CDH23: variants seen among roughly 807,000 people sequenced by gnomAD.
CDH23 encodes cadherin related 23, also known as cadherin-23.
Under a neutral mutation model 317.1 loss-of-function variants are expected in CDH23, and 189 were observed. That is an observed-to-expected ratio of 0.60 (90% CI 0.53 to 0.67). CDH23 has a LOEUF of 0.67. Among genes scored for constraint, CDH23 ranks in the 30% least tolerant of loss-of-function variants. CDH23 has a pLI of 0.00. For missense variants in CDH23, 4,401 were observed against 4,592.4 expected (o/e 0.96, Z 1.20); for synonymous variants, 1,839 against 1,876.8 (o/e 0.98, Z 0.52).
chr10:71,546,471 A>AATG (rs1246381114), intron 6 of CDH23, among the ~76,000 whole-genome samples: 12 of 152,172 alleles, frequency 7.9e-5, no homozygotes, highest in Admixed American at 7.2e-4. Context: ...GGCAGTGCAG[A>AATG]ATGTGGGCTC....
At chr10:71,737,062 G>A (rs1310069916) in intron 34 of CDH23, among the ~76,000 whole-genome samples, 2 of 152,152 alleles carry the variant, frequency 1.3e-5, no homozygotes, top group Admixed American at 6.5e-5. Flanking sequence ...GAGGGGGTTT[G>A]GGAGGGATCC....
At chr10:71,730,127 G>A (rs547814738) in intron 30 of CDH23, among the ~76,000 whole-genome samples, 24 of 152,192 alleles carry the variant, frequency 1.6e-4, no homozygotes, top group African/African-American at 2.2e-4. Context: ...GTGAGCCACC[G>A]CGCCCGGCCG....
At chr10:71,612,639 T>TG (rs758097284) in intron 9 of CDH23, among the ~76,000 whole-genome samples, 5 of 146,904 alleles carry the variant, frequency 3.4e-5, no homozygotes, top group South Asian at 2.3e-4. Flanking sequence ...ATGCTGTCTG[T>TG]GGGGGGGCTG....
At chr10:71,793,129 T>G in intron 47 of CDH23, 53 bp from the exon 48 acceptor site, 2 of 1,370,170 alleles carry the variant, frequency 1.5e-6, no homozygotes, top group Non-Finnish European at 2.0e-6. Flanking sequence ...TCTTGGTAGA[T>G]CTTTCTGGAA....
intron 1 of CDH23, among the ~76,000 whole-genome samples, chr10:71,403,576 G>A (rs1847957927): frequency 6.9e-6 from 1 of 145,868 alleles, no homozygotes; most frequent in African/African-American, 2.6e-5. Context: ...GAGTGCAGTG[G>A]CGCAATCTCA....
chr10:71,639,582 G>T (rs188902868), intron 11 of CDH23, among the ~76,000 whole-genome samples: 6 of 152,214 alleles, frequency 3.9e-5, no homozygotes, highest in Non-Finnish European at 8.8e-5. Context: ...CCGAGGCGGG[G>T]TGGGGGCAAA....
At chr10:71,437,662 C>G (rs1243124488) in intron 1 of CDH23, among the ~76,000 whole-genome samples, 2 of 152,166 alleles carry the variant, frequency 1.3e-5, no homozygotes, top group African/African-American at 2.4e-5. Flanking sequence ...CCCACTCTGG[C>G]CATGGTCATG....
intron 1 of CDH23, among the ~76,000 whole-genome samples, chr10:71,404,900 T>C (rs952838466): frequency 6.6e-6 from 1 of 152,204 alleles, no homozygotes; most frequent in Non-Finnish European, 1.5e-5. Flanking sequence ...ACAAGGGCCA[T>C]GCACACCACC....
chr10:71,734,639 G>T lies in CDH23; in HGVS notation c.4207-17G>T. 6.7e-7 allele frequency: 1 copy of T among 1,498,936 alleles called. No homozygotes were observed. The highest frequency in any genetic ancestry group is 9.0e-7 in the Non-Finnish European group (1 of 1,106,348). The allele number at this position is 1,498,936 out of a possible 1,614,324, so 92.9% of individuals were successfully genotyped here. ...CCTTTTCTCTCACTCCCCTCCTGCTGCTGCCTCTGCCTACAGAAGGTGAGT... is the reference window on the plus strand; with the variant it reads ...CCTTTTCTCTCACTCCCCTCCTGCTTCTGCCTCTGCCTACAGAAGGTGAGT... On this transcript the variant is annotated splice_polypyrimidine_tract_variant and intron_variant, in intron 33 of 69. Transcript: ENST00000224721.
chr10:71,719,132 G>C (rs1192752107), intron 28 of CDH23, among the ~76,000 whole-genome samples: 4 of 152,104 alleles, frequency 2.6e-5, no homozygotes, highest in Admixed American at 2.0e-4. Context: ...CATCTGAGTA[G>C]TTCCTGTGGC....
intron 3 of CDH23, among the ~76,000 whole-genome samples, chr10:71,489,113 T>G (rs770499942): frequency 6.6e-6 from 1 of 152,226 alleles, no homozygotes; most frequent in Non-Finnish European, 1.5e-5. Context: ...TCTTCTTTAA[T>G]CTATGGAGTT....
chr10:71,422,846 A>G (rs568706294), intron 1 of CDH23, among the ~76,000 whole-genome samples: 1 of 152,162 alleles, frequency 6.6e-6, no homozygotes, highest in Non-Finnish European at 1.5e-5. Context: ...GGGGAAGAAC[A>G]GTATGCTTAC....
intron 14 of CDH23, among the ~76,000 whole-genome samples, chr10:71,649,526 C>T (rs1358562788): frequency 6.6e-6 from 1 of 152,118 alleles, no homozygotes; most frequent in Non-Finnish European, 1.5e-5. Flanking sequence ...ACCACCAGTC[C>T]AGGTGTCCTA....
At chr10:71,496,257 C>T (rs1004571808) in intron 3 of CDH23, among the ~76,000 whole-genome samples, 1 of 152,180 alleles carries the variant, frequency 6.6e-6, no homozygotes, top group Non-Finnish European at 1.5e-5. Flanking sequence ...GATGCATGGC[C>T]TCAAAGCCAT....
At chr10:71,790,683 G>A (rs575062981) in intron 46 of CDH23, 28 of 515,274 alleles carry the variant, frequency 5.4e-5, no homozygotes, top group African/African-American at 3.6e-4. Flanking sequence ...GCCCACTCCC[G>A]TCATCTCCCC....
intron 6 of CDH23, among the ~76,000 whole-genome samples, chr10:71,555,999 G>A (rs1318461583): frequency 2.6e-5 from 4 of 152,150 alleles, no homozygotes; most frequent in Non-Finnish European, 5.9e-5. Context: ...GATGTCTGAC[G>A]TCTGCTCTCT....
intron 36 of CDH23, 143 bp from the exon 37 acceptor site, chr10:71,740,679 T>C: frequency 9.0e-7 from 1 of 1,109,754 alleles, no homozygotes; most frequent in Non-Finnish European, 1.3e-6. Context: ...AGCCCAGGGC[T>C]GGCCAGGCCA....
At chr10:71,724,732 T>C (rs1021420819) in intron 29 of CDH23, among the ~76,000 whole-genome samples, 2 of 152,206 alleles carry the variant, frequency 1.3e-5, no homozygotes, top group African/African-American at 4.8e-5. Context: ...CTGGGTCTCA[T>C]TGGTCCAATC....
At chr10:71,495,827 A>AGGAAGGAAGGAAGGAAG (rs1564615543) in intron 3 of CDH23, among the ~76,000 whole-genome samples, 13 of 146,228 alleles carry the variant, frequency 8.9e-5, no homozygotes, top group African/African-American at 3.5e-4. Context: ...AAAAAAAGAA[A>AGGAAGGAAGGAAGGAAG]GAAAGAAAGA....
Sources: gnomAD v4.1 joint callset for allele counts (sites outside exome capture counted in the v4.1 genomes callset) on GRCh38, gnomAD v4.1.1 for gene constraint, MANE v1.5 for transcripts, NCBI Gene and HGNC (gene_info 2026-07-23, HGNC 2026-07-21) for gene names.